GARNL3: variants seen among roughly 807,000 people sequenced by gnomAD.
GARNL3 encodes the protein GTPase activating Rap/RanGAP domain like 3, also known as GTPase-activating Rap/Ran-GAP domain-like protein 3.
Under a neutral mutation model 125.0 loss-of-function variants are expected in GARNL3, and 63 were observed. The ratio of observed to expected loss-of-function variants is 0.50; its 90% CI spans 0.41 to 0.62. The LOEUF is 0.62. Ranked by LOEUF, GARNL3 falls within the 20% of genes least tolerant of loss-of-function variation. The pLI is 0.00. For missense variants in GARNL3, 994 were observed against 1,244.0 expected, an observed-to-expected ratio of 0.80 and a Z score of 3.02; for synonymous variants, 439 against 457.5, an observed-to-expected ratio of 0.96 and a Z score of 0.52.
chr9:127,301,925 C>CTTT lies in GARNL3; in HGVS notation c.220-9680_220-9678dup, dbSNP rs754780368. 1.8e-3 allele frequency among the ~76,000 whole-genome samples: 83 copies of CTTT among 45,436 alleles called. 9 individuals are homozygous for CTTT. The highest frequency in any genetic ancestry group is 6.3e-3 in the East Asian group (8 of 1,262). 29.8% of individuals were successfully genotyped at this position (45,436 alleles called of 152,430 possible). A position where few individuals can be genotyped will look rare whatever the true frequency, so the allele number is the denominator to read the frequency against. ...TCTATCTTCCTTAGCATTGGGAGGA[C>CTTT]TTTTTTTTTTTTTTTTTTTTTTTTT... On this transcript the variant is annotated intron_variant, in intron 2 of 27. Transcript: ENST00000373387.
chr9:127,377,666 A>G (rs1831994210), intron 22 of GARNL3, among the ~76,000 whole-genome samples: 1 of 152,038 alleles, frequency 6.6e-6, no homozygotes, highest in Non-Finnish European at 1.5e-5. Context: ...ATGTGCCTGT[A>G]ATCCCAGCTA....
At chr9:127,326,235 C>T (rs1024324865) in intron 7 of GARNL3, among the ~76,000 whole-genome samples, 1 of 152,104 alleles carries the variant, frequency 6.6e-6, no homozygotes, top group African/African-American at 2.4e-5. Flanking sequence ...CATTTGTGTG[C>T]TTATTATCTG....
At chr9:127,328,647 A>C (rs72766254) in intron 7 of GARNL3, among the ~76,000 whole-genome samples, 21,515 of 152,080 alleles carry the variant, frequency 0.14, 1,866 homozygotes, top group East Asian at 0.22. Flanking sequence ...CAAGAGTAAC[A>C]AGGAACCAGG....
At chr9:127,377,100 A>C (rs1467016898) in intron 22 of GARNL3, among the ~76,000 whole-genome samples, 1 of 152,338 alleles carries the variant, frequency 6.6e-6, no homozygotes. Context: ...TTTGCCAAAA[A>C]TTTTTTAAAA....
chr9:127,285,816 C>A (rs2064235564), intron 1 of GARNL3, among the ~76,000 whole-genome samples: 1 of 152,108 alleles, frequency 6.6e-6, no homozygotes, highest in African/African-American at 2.4e-5. Flanking sequence ...CCCTTACTTT[C>A]TTTTTGTCCC....
chr9:127,298,775 A>G (rs11792519), intron 2 of GARNL3, among the ~76,000 whole-genome samples: 29,021 of 152,144 alleles, frequency 0.19, 3,740 homozygotes, highest in Non-Finnish European at 0.25. Context: ...AAAAAGTCCT[A>G]CCGACAGTAT....
intron 22 of GARNL3, chr9:127,367,089 G>A (rs1334774269): frequency 1.3e-5 from 2 of 152,186 alleles, no homozygotes; most frequent in Non-Finnish European, 2.9e-5. Context: ...CTTTGGGTCA[G>A]GAATCTGGCT....
chr9:127,356,000 G>A (rs911430093), intron 20 of GARNL3, among the ~76,000 whole-genome samples: 1 of 152,162 alleles, frequency 6.6e-6, no homozygotes, highest in African/African-American at 2.4e-5. Context: ...GGGCCCTGAG[G>A]TCCTGTTGAA....
chr9:127,335,738 C>T (rs946804296), intron 10 of GARNL3, among the ~76,000 whole-genome samples: 1 of 152,066 alleles, frequency 6.6e-6, no homozygotes, highest in African/African-American at 2.4e-5. Context: ...TGTGCCTTCT[C>T]TCAGTGTGCC....
At chr9:127,231,024 A>ATG (rs368822608) in intron 1 of GARNL3, among the ~76,000 whole-genome samples, 5 of 82,848 alleles carry the variant, frequency 6.0e-5, no homozygotes, top group African/African-American at 2.2e-4. Flanking sequence ...ATATACATAT[A>ATG]TGTATATATA....
chr9:127,350,594 G>A lies in GARNL3; in HGVS notation c.1543+1559G>A, dbSNP rs1830372430. 2.0e-5 allele frequency among the ~76,000 whole-genome samples: 3 copies of A among 152,030 alleles called. No homozygotes were observed. In the South Asian group the frequency reaches 6.3e-4, roughly 32 times the overall value. ...TCGAGACCAGCTTGGCTAATATGGT[G>A]AAACCCTGTCTCTAACTAAAAAAAT... On this transcript the variant is annotated intron_variant, in intron 17 of 27. Transcript: ENST00000373387.
chr9:127,357,076 T>C (rs998488915), intron 20 of GARNL3, 143 bp from the exon 21 acceptor site: 1 of 729,456 alleles, frequency 1.4e-6, no homozygotes, highest in Admixed American at 2.6e-5. Context: ...TCCTCTCTTG[T>C]CCCTTCTTCC....
At chr9:127,288,411 T>A (rs2064314273) in intron 1 of GARNL3, among the ~76,000 whole-genome samples, 1 of 152,146 alleles carries the variant, frequency 6.6e-6, no homozygotes, top group South Asian at 2.1e-4. Flanking sequence ...TATTTGCAGT[T>A]TGCATAATCA....
Position 127,365,343 on chromosome 9 carries a change from C to G in GARNL3, c.2138C>G (p.Ala713Gly). 1.2e-6 allele frequency: 2 copies of G among 1,613,670 alleles called. No individual in the cohort carries two copies. The highest frequency in any genetic ancestry group is 1.7e-6 in the Non-Finnish European group (2 of 1,179,694). Residue 713 changes from alanine (A) to glycine (G), a missense_variant, in exon 22 of 28, where the codon GCT becomes GGT. By Grantham distance (60) the Ala-to-Gly change is moderately conservative. Transcript: ENST00000373387. ...AAIDVYEDGEAGLLLCYNYSC... is the reference protein window; with the variant it reads ...AAIDVYEDGEGGLLLCYNYSC... ...ATTGATGTGTACGAAGATGGAGAAG[C>G]TGGTTTGCTGTTGTGTTACAACTGT...
Position 127,315,138 on chromosome 9 carries a change from G to A in GARNL3, c.438+1579G>A, listed in dbSNP as rs2065205248. On this transcript the variant is annotated intron_variant, in intron 4 of 27. Transcript: ENST00000373387. ...CCTTCAGTTATGTGCCAAGGACAAT[G>A]AGAGGGTTCTCAGCTGTTGATGGAA... 2.0e-5 allele frequency among the ~76,000 whole-genome samples: 3 copies of A among 152,200 alleles called. 1 individual carries two copies. The South Asian group carries it at 6.2e-4, about 32-fold the overall frequency.
intron 1 of GARNL3, among the ~76,000 whole-genome samples, chr9:127,282,080 G>T (rs1344362807): frequency 6.6e-6 from 1 of 152,112 alleles, no homozygotes; most frequent in South Asian, 2.1e-4. Flanking sequence ...CATTTAACCA[G>T]GTTGTGTTGT....
chr9:127,347,582 C>T (rs1287629728), intron 16 of GARNL3, among the ~76,000 whole-genome samples: 1 of 152,122 alleles, frequency 6.6e-6, no homozygotes, highest in Non-Finnish European at 1.5e-5. Flanking sequence ...AAACTTGTGT[C>T]TTCTGGGCAG....
At chr9:127,376,211 C>T (rs754612200) in intron 22 of GARNL3, among the ~76,000 whole-genome samples, 10 of 152,130 alleles carry the variant, frequency 6.6e-5, no homozygotes, top group Non-Finnish European at 1.3e-4. Flanking sequence ...CCACCTGCCT[C>T]GGCCTCCCAA....
At chr9:127,262,218 G>T (rs947600656), upstream of GARNL3, among the ~76,000 whole-genome samples, 1 of 152,168 alleles carries the variant, frequency 6.6e-6, no homozygotes, top group African/African-American at 2.4e-5. Context: ...GCTTTAACTG[G>T]TAGACTCAAA....
Sources: allele counts gnomAD v4.1 joint callset (sites outside exome capture counted in the v4.1 genomes callset), GRCh38; gene constraint gnomAD v4.1.1; transcripts MANE v1.5; gene names NCBI Gene and HGNC (gene_info 2026-07-23, HGNC 2026-07-21).